Variants in MALRD1 observed in about 807,000 individuals in gnomAD.
The protein encoded by MALRD1 is MAM and LDL-receptor class A domain-containing protein 1.
In MALRD1, 247 loss-of-function variants were observed where a neutral mutation model predicts 242.1. That is an observed-to-expected ratio of 1.02 (90% CI 0.92 to 1.13). The LOEUF is 1.13. MALRD1 is among the 50% of genes most tolerant of loss of function. MALRD1 has a pLI of 0.00. For missense variants in MALRD1, 2,989 were observed against 2,533.1 expected (o/e 1.18, Z -3.86); for synonymous variants, 995 against 866.6 (o/e 1.15, Z -2.60).
chr10:19,483,259 T>C (rs1406530220), intron 29 of MALRD1, among the ~76,000 whole-genome samples: 1 of 150,200 alleles, frequency 6.7e-6, no homozygotes, highest in African/African-American at 2.4e-5. Context: ...TGGGAAATAA[T>C]TTATGACTAA....
rs76585813 is a variant in MALRD1, at chr10:19,588,098, A to G, written c.5681-7096A>G. ...AGACCTGTAGGATGCATATGAAATG[A>G]ATGACAGAGTTCTTTACTTAATTAT... On this transcript the variant is annotated intron_variant, in intron 33 of 39. Coordinates refer to ENST00000454679, the MANE Select transcript of MALRD1 (RefSeq NM_001142308.3). Among the ~76,000 whole-genome samples the G allele has an allele frequency of 5.9e-5, 9 of 152,242 alleles. No homozygotes were observed. The East Asian group carries it at 1.5e-3, about 26-fold the overall frequency.
chr10:19,653,287 C>G (rs1166647940), intron 36 of MALRD1, among the ~76,000 whole-genome samples: 1 of 152,104 alleles, frequency 6.6e-6, no homozygotes, highest in South Asian at 2.1e-4. Context: ...GCCTCAAAAT[C>G]CTGGGCTCAG....
Position 19,184,303 on chromosome 10 carries a change from G to C in MALRD1, c.1951+8975G>C, listed in dbSNP as rs1173261918. ...TCAGGACAAACCCTAAAAGAAGGCAGATGAGGAGTGAGCTCCAGAGAGCAG... is the reference window on the plus strand; with the variant it reads ...TCAGGACAAACCCTAAAAGAAGGCACATGAGGAGTGAGCTCCAGAGAGCAG... On this transcript the variant is annotated intron_variant, in intron 14 of 39. Coordinates refer to ENST00000454679, the MANE Select transcript of MALRD1 (RefSeq NM_001142308.3). Among the ~76,000 whole-genome samples the C allele has an allele frequency of 3.3e-5, 5 of 152,334 alleles. No homozygotes were observed. In the East Asian group the frequency reaches 9.6e-4, roughly 29 times the overall value.
chr10:19,283,380 G>A (rs1231290126), intron 21 of MALRD1, among the ~76,000 whole-genome samples, 199 bp downstream of exon 21: 1 of 152,114 alleles, frequency 6.6e-6, no homozygotes, highest in Non-Finnish European at 1.5e-5. Flanking sequence ...GAATTTCATA[G>A]AAACCGGAGA....
intron 36 of MALRD1, among the ~76,000 whole-genome samples, chr10:19,632,507 TA>T (rs1347540525): frequency 1.3e-5 from 2 of 152,168 alleles, no homozygotes; most frequent in Non-Finnish European, 2.9e-5. Flanking sequence ...GTAAAAGTTA[TA>T]AAGATCATTC....
At chr10:19,094,334 G>A (rs1305528842) in intron 4 of MALRD1, among the ~76,000 whole-genome samples, 2 of 119,092 alleles carry the variant, frequency 1.7e-5, no homozygotes, top group Non-Finnish European at 3.5e-5. Context: ...CGCAATATTC[G>A]GGTGGGAGTG....
At chr10:19,063,638 A>G (rs1446984450) in intron 1 of MALRD1, among the ~76,000 whole-genome samples, 1 of 152,162 alleles carries the variant, frequency 6.6e-6, no homozygotes, top group Non-Finnish European at 1.5e-5. Context: ...ATGGCTACAT[A>G]GTATTCCATG....
chr10:19,550,474 C>G (rs147721433), intron 32 of MALRD1, among the ~76,000 whole-genome samples: 89 of 152,076 alleles, frequency 5.9e-4, no homozygotes, highest in Non-Finnish European at 2.6e-4. Flanking sequence ...AATTATTTTT[C>G]CTGACCCTCT....
chr10:19,682,916 G>A lies in MALRD1; in HGVS notation c.6138-9366G>A, dbSNP rs563548557. Among the ~76,000 whole-genome samples the A allele has an allele frequency of 2.6e-5, 4 of 152,256 alleles. No individual in the cohort carries two copies. The East Asian group carries it at 5.8e-4, about 22-fold the overall frequency. ...GGCATGGGGAAAAGTCATGTACATG[G>A]CAGGCCCTGAGCATCTTCAGCACCT... is the stretch of plus-strand genomic sequence containing the variant. On this transcript the variant is annotated intron_variant, in intron 36 of 39. Coordinates refer to ENST00000454679, the MANE Select transcript of MALRD1 (RefSeq NM_001142308.3).
At chr10:19,400,765 C>T (rs922901662) in intron 28 of MALRD1, among the ~76,000 whole-genome samples, 9 of 152,108 alleles carry the variant, frequency 5.9e-5, no homozygotes, top group African/African-American at 1.9e-4. Flanking sequence ...CCTATAATCC[C>T]AGCACTTTTG....
At chr10:19,097,947 C>T (rs1301632440) in intron 4 of MALRD1, among the ~76,000 whole-genome samples, 3 of 152,100 alleles carry the variant, frequency 2.0e-5, no homozygotes, top group African/African-American at 4.8e-5. Flanking sequence ...CTAGGGTGGA[C>T]GCGTTCCTCC....
intron 12 of MALRD1, among the ~76,000 whole-genome samples, chr10:19,164,202 G>T (rs770149761): frequency 6.6e-6 from 1 of 152,128 alleles, no homozygotes; most frequent in Non-Finnish European, 1.5e-5. Flanking sequence ...TTTAAATCAG[G>T]TGGTCACAAT....
At chr10:19,116,212 A>T (rs1403240068) in intron 5 of MALRD1, among the ~76,000 whole-genome samples, 1 of 152,220 alleles carries the variant, frequency 6.6e-6, no homozygotes, top group Admixed American at 6.5e-5. Context: ...TGATTCTTAA[A>T]GAAACAGCTG....
At chr10:19,049,271 A>G (rs1333265785) in intron 1 of MALRD1, 134 bp downstream of exon 1, 8 of 537,708 alleles carry the variant, frequency 1.5e-5, no homozygotes, top group Non-Finnish European at 2.2e-5. Flanking sequence ...AGTGTAGATC[A>G]GAAACTAAGA....
chr10:19,289,650 C>A (rs1160632197), intron 21 of MALRD1, among the ~76,000 whole-genome samples: 1 of 152,104 alleles, frequency 6.6e-6, no homozygotes, highest in Non-Finnish European at 1.5e-5. Flanking sequence ...TCTTAAAAAA[C>A]AGTTCTTATG....
chr10:19,282,167 A>G (rs1447378178), intron 20 of MALRD1, among the ~76,000 whole-genome samples: 1 of 152,152 alleles, frequency 6.6e-6, no homozygotes, highest in Non-Finnish European at 1.5e-5. Flanking sequence ...TGATATGAAG[A>G]ACAGAGATAT....
chr10:19,205,587 T>C (rs1836748370), intron 17 of MALRD1, among the ~76,000 whole-genome samples: 1 of 151,996 alleles, frequency 6.6e-6, no homozygotes, highest in South Asian at 2.1e-4. Flanking sequence ...ATAGGAGCGA[T>C]GAAGAAGAGT....
rs544924588 is a variant in MALRD1 at position 19,727,472 on chromosome 10, C to G, written c.6315-3234C>G. On this transcript the variant is annotated intron_variant, in intron 38 of 39. Transcript: ENST00000454679. The stretch of plus-strand genomic sequence containing the variant: ...ATCTTAGTTCTGCATTGATCTAGGT[C>G]TCTTGTCACACATTCAGAATGCCAC... 2.6e-5 allele frequency among the ~76,000 whole-genome samples: 4 copies of G among 152,270 alleles called. No homozygotes were observed. In the East Asian group the frequency reaches 5.8e-4, roughly 22 times the overall value.
intron 26 of MALRD1, among the ~76,000 whole-genome samples, chr10:19,386,212 A>G (rs1180119110): frequency 6.6e-6 from 1 of 152,098 alleles, no homozygotes; most frequent in Non-Finnish European, 1.5e-5. Context: ...CTTCTATATG[A>G]GGTTGTATCA....
Sources: gnomAD v4.1 joint callset for allele counts (sites outside exome capture counted in the v4.1 genomes callset) on GRCh38, gnomAD v4.1.1 for gene constraint, MANE v1.5 for transcripts, NCBI Gene and HGNC (gene_info 2026-07-23, HGNC 2026-07-21) for gene names.